SH3RF3: variants seen among roughly 807,000 people sequenced by gnomAD.
The protein encoded by SH3RF3 is E3 ubiquitin-protein ligase SH3RF3.
A neutral mutation model predicts 66.3 loss-of-function variants in SH3RF3; 29 were observed. That is an observed-to-expected ratio of 0.44 (90% CI 0.33 to 0.60). The LOEUF (loss-of-function observed/expected upper bound fraction) is 0.60, where lower values mean the gene tolerates loss of function less well. Ranked by LOEUF, SH3RF3 falls within the 20% of genes least tolerant of loss-of-function variation. SH3RF3 has a pLI of 0.04. For synonymous variants in SH3RF3, 583 were observed against 532.0 expected, an observed-to-expected ratio of 1.10 and a Z score of -1.32; for missense variants, 1,194 against 1,190.9, an observed-to-expected ratio of 1.00 and a Z score of -0.04.
chr2:109,233,094 G>T (rs144626015), intron 1 of SH3RF3, among the ~76,000 whole-genome samples: 1,526 of 152,326 alleles, frequency 0.01, 11 homozygotes, highest in South Asian at 0.024. Context: ...CACAGCAGTG[G>T]CGAGGGGTGT....
intron 7 of SH3RF3, among the ~76,000 whole-genome samples, chr2:109,441,256 A>G (rs1186814445): frequency 1.3e-5 from 2 of 152,230 alleles, no homozygotes; most frequent in African/African-American, 4.8e-5. Context: ...TCAGTCAATC[A>G]ATCAAAACTG....
At chr2:109,234,268 C>T (rs1553488574) in intron 1 of SH3RF3, among the ~76,000 whole-genome samples, 1 of 152,176 alleles carries the variant, frequency 6.6e-6, no homozygotes, top group Non-Finnish European at 1.5e-5. Flanking sequence ...ACTAAGGATG[C>T]CAGTAAATGC....
chr2:109,501,881 C>T lies in SH3RF3; in HGVS notation c.*210C>T. On this transcript the variant is annotated 3_prime_UTR_variant, in exon 10 of 10. Transcript: ENST00000309415. Reference sequence around the variant, plus strand: ...AAACGGAGAGCACACCTGGGATGTTCTTCAAGGAAATGCCCACCCCCTCTG... The same window carrying T: ...AAACGGAGAGCACACCTGGGATGTTTTTCAAGGAAATGCCCACCCCCTCTG... 1 of 537,702 alleles carries T rather than the reference C, an allele frequency of 1.9e-6. No individual in the cohort carries two copies. The highest frequency in any genetic ancestry group is 3.3e-6 in the Non-Finnish European group (1 of 300,668). The allele number at this position is 537,702 out of a possible 1,614,324, so 33.3% of individuals were successfully genotyped here.
chr2:109,168,722 G>C (rs1477687452), intron 1 of SH3RF3, among the ~76,000 whole-genome samples: 1 of 152,196 alleles, frequency 6.6e-6, no homozygotes, highest in African/African-American at 2.4e-5. Context: ...TCTGGCACTG[G>C]CTTCTGAGAG....
At chr2:109,237,729 G>C (rs573347952) in intron 1 of SH3RF3, among the ~76,000 whole-genome samples, 1 of 152,108 alleles carries the variant, frequency 6.6e-6, no homozygotes, top group Non-Finnish European at 1.5e-5. Flanking sequence ...TTAAATGCCC[G>C]TGTCTTTGAT....
Position 109,485,263 on chromosome 2 carries a change from A to G in SH3RF3, c.2149-5342A>G, listed in dbSNP as rs1279491969. On this transcript the variant is annotated intron_variant, in intron 8 of 9. Coordinates refer to ENST00000309415, the MANE Select transcript of SH3RF3 (RefSeq NM_001099289.3). ...TGGTGGGACAGCCACCTGTCTCCAC[A>G]TGGCTTAATCAAGAAGGTAACTGAA... Among the ~76,000 whole-genome samples, 2 of 152,266 alleles carry G rather than the reference A, an allele frequency of 1.3e-5. 1 individual carries two copies. The highest frequency in any genetic ancestry group is 2.9e-5 in the Non-Finnish European group (2 of 68,040).
At chr2:109,242,931 C>T (rs1679821012) in intron 1 of SH3RF3, among the ~76,000 whole-genome samples, 1 of 152,242 alleles carries the variant, frequency 6.6e-6, no homozygotes, top group African/African-American at 2.4e-5. Context: ...TCAGGAATTG[C>T]AGCCAAAGGA....
intron 7 of SH3RF3, among the ~76,000 whole-genome samples, chr2:109,442,002 A>AT (rs141864503): frequency 0.15 from 23,011 of 152,116 alleles, 3,218 homozygotes; most frequent in African/African-American, 0.37. Context: ...AAACTAAAAG[A>AT]TTTTGTCTCT....
intron 1 of SH3RF3, among the ~76,000 whole-genome samples, chr2:109,154,205 C>T (rs1305800605): frequency 6.6e-6 from 1 of 152,206 alleles, no homozygotes; most frequent in Non-Finnish European, 1.5e-5. Flanking sequence ...CTAATCAGGC[C>T]TAGCATCCAT....
At chr2:109,150,386 C>T (rs1479374666) in intron 1 of SH3RF3, among the ~76,000 whole-genome samples, 1 of 152,104 alleles carries the variant, frequency 6.6e-6, no homozygotes, top group Admixed American at 6.5e-5. Context: ...TTGTCTATAA[C>T]CTGATGATAG....
chr2:109,428,131 A>G (rs1281648021), intron 5 of SH3RF3, among the ~76,000 whole-genome samples: 1 of 152,204 alleles, frequency 6.6e-6, no homozygotes, highest in Non-Finnish European at 1.5e-5. Flanking sequence ...AGGAGGAAGC[A>G]CACGCCTCCC....
At chr2:109,255,060 C>T (rs1680186150) in intron 1 of SH3RF3, among the ~76,000 whole-genome samples, 1 of 152,128 alleles carries the variant, frequency 6.6e-6, no homozygotes. Context: ...TGCAGTCCTC[C>T]TAAGGCTAAA....
chr2:109,221,581 CAAAA>C (rs60310731), intron 1 of SH3RF3, among the ~76,000 whole-genome samples: 2 of 63,338 alleles, frequency 3.2e-5, no homozygotes, highest in Non-Finnish European at 4.0e-5. Flanking sequence ...GACTCCATCT[CAAAA>C]AAAAAAAAAA....
chr2:109,422,651 G>A (rs2104531602), intron 5 of SH3RF3, among the ~76,000 whole-genome samples: 1 of 152,302 alleles, frequency 6.6e-6, no homozygotes, highest in East Asian at 1.9e-4. Context: ...CAGACCTGCT[G>A]TGATTTGGGA....
chr2:109,390,688 G>A (rs1675963253), intron 3 of SH3RF3, among the ~76,000 whole-genome samples: 1 of 152,198 alleles, frequency 6.6e-6, no homozygotes, highest in African/African-American at 2.4e-5. Flanking sequence ...ATGGACTCTG[G>A]GATGAGGAAG....
chr2:109,447,616 G>A (rs1010213040), intron 7 of SH3RF3, among the ~76,000 whole-genome samples: 7 of 152,054 alleles, frequency 4.6e-5, no homozygotes, highest in African/African-American at 1.4e-4. Flanking sequence ...CTCAGCCCAG[G>A]TCTCCACTTG....
intron 4 of SH3RF3, among the ~76,000 whole-genome samples, chr2:109,403,705 A>C (rs1353136669): frequency 2.6e-5 from 4 of 152,098 alleles, no homozygotes; most frequent in Admixed American, 6.5e-5. Context: ...CCCTCTCTCT[A>C]GCTGTGTCAC....
At chr2:109,383,139 A>G (rs536093711) in intron 3 of SH3RF3, among the ~76,000 whole-genome samples, 1 of 152,250 alleles carries the variant, frequency 6.6e-6, no homozygotes, top group Non-Finnish European at 1.5e-5. Context: ...GAGTGCTTGC[A>G]GCTTTTCAGG....
chr2:109,391,485 C>T (rs1011716644), intron 3 of SH3RF3, among the ~76,000 whole-genome samples: 15 of 152,226 alleles, frequency 9.9e-5, no homozygotes, highest in African/African-American at 3.6e-4. Context: ...AGGTCTCCAG[C>T]ACACTCCTGC....
Sources: allele counts gnomAD v4.1 joint callset (sites outside exome capture counted in the v4.1 genomes callset), GRCh38; gene constraint gnomAD v4.1.1; transcripts MANE v1.5; gene names NCBI Gene and HGNC (gene_info 2026-07-23, HGNC 2026-07-21).